Variants in PSMA6 observed in about 807,000 individuals in gnomAD.
PSMA6 encodes proteasome subunit alpha type-6.
For synonymous variants in PSMA6, 88 were observed against 97.7 expected (o/e 0.90, Z 0.59); for missense variants, 170 against 294.8 (o/e 0.58, Z 3.10).
chr14:35,293,440 A>T (rs2051526453), intron 1 of PSMA6, among the ~76,000 whole-genome samples: 1 of 152,198 alleles, frequency 6.6e-6, no homozygotes, highest in Non-Finnish European at 1.5e-5. Flanking sequence ...GGAGGGCTTG[A>T]TTTACATCTG....
At chr14:35,278,820 T>C in intron 1 of PSMA6, 1 of 1,386,492 alleles carries the variant, frequency 7.2e-7, no homozygotes, top group Non-Finnish European at 9.8e-7. Flanking sequence ...ATGACCTTGC[T>C]CTAGAATCCC....
intron 1 of PSMA6, among the ~76,000 whole-genome samples, chr14:35,298,319 A>G (rs146442475): frequency 1.3e-5 from 2 of 152,180 alleles, no homozygotes; most frequent in African/African-American, 4.8e-5. Context: ...GTGAAACCCT[A>G]TCTGTACTAA....
chr14:35,313,016 A>G lies in PSMA6; in HGVS notation c.545A>G (p.Lys182Arg). The change falls in exon 5 of 7, where the codon AAA becomes AGA. Residue 182 changes from lysine (K) to arginine (R), a missense_variant. By Grantham distance (26) the Lys-to-Arg change is conservative. Transcript: ENST00000261479. ...QTESTSFLEK[K>R]VKKKFDWTFE... ...GAGTCAACCAGCTTCCTTGAAAAAA[A>G]AGTGAAGAAGAAATTTGATTGGACA... The G allele has an allele frequency of 6.3e-7, 1 of 1,580,538 alleles. No individual in the cohort carries two copies. The highest frequency in any genetic ancestry group is 2.3e-5 in the East Asian group (1 of 43,638).
In PSMA6 at chr14:35,317,274, G is replaced by A. The variant is rs778817162; in HGVS notation, c.709G>A (p.Ala237Thr). The A allele has an allele frequency of 1.2e-6, 2 of 1,612,618 alleles. No homozygotes were observed. Among genetic ancestry groups the A allele is most frequent in the Non-Finnish European group, 1.7e-6 (2 of 1,179,306 alleles). Residue 237 changes from alanine (A) to threonine (T), a missense_variant, in exon 7 of 7, where the codon GCT becomes ACT. Coordinates refer to ENST00000261479, the MANE Select transcript of PSMA6 (RefSeq NM_002791.3). ...GATTCTTACAGAAGCAGAGATTGAT[G>A]CTCACCTTGTTGCTCTAGCAGAGAG... ...FRILTEAEIDAHLVALAERD is the reference protein window; with the variant it reads ...FRILTEAEIDTHLVALAERD
At position 35,302,513 on chromosome 14, in the gene PSMA6, C is replaced by G. The variant is rs2051734583; in HGVS notation, c.77-5481C>G. On this transcript the variant is annotated intron_variant, in intron 1 of 6. Coordinates refer to ENST00000261479, the MANE Select transcript of PSMA6 (RefSeq NM_002791.3). ...CCATAATGAATCTATATGTGATTTTCTGTTTTCATTTTGCTTGGAGTTTTC... is the reference window on the plus strand; with the variant it reads ...CCATAATGAATCTATATGTGATTTTGTGTTTTCATTTTGCTTGGAGTTTTC... Among the ~76,000 whole-genome samples the G allele has an allele frequency of 2.0e-5, 3 of 151,996 alleles. No individual in the cohort carries two copies. In the South Asian group the frequency reaches 6.2e-4, roughly 31 times the overall value.
chr14:35,303,973 ATTTC>A (rs1254945851), intron 1 of PSMA6, among the ~76,000 whole-genome samples: 2 of 150,646 alleles, frequency 1.3e-5, no homozygotes, highest in African/African-American at 2.4e-5. Context: ...GCTAGAGATA[ATTTC>A]TTTCTTTTTT....
At chr14:35,304,791 C>T (rs1014940477) in intron 1 of PSMA6, among the ~76,000 whole-genome samples, 1 of 151,618 alleles carries the variant, frequency 6.6e-6, no homozygotes, top group Non-Finnish European at 1.5e-5. Flanking sequence ...TATAATTAAC[C>T]AATTAAATTG....
intron 1 of PSMA6, among the ~76,000 whole-genome samples, chr14:35,283,563 T>G (rs2051391336): frequency 6.6e-6 from 1 of 151,014 alleles, no homozygotes; most frequent in Non-Finnish European, 1.5e-5. Context: ...TTTTTTTTTT[T>G]TTTTTTTTAG....
At chr14:35,285,339 C>CAAAAAAAAAAAAA (rs758651038) in intron 1 of PSMA6, among the ~76,000 whole-genome samples, 57 of 54,536 alleles carry the variant, frequency 1.0e-3, no homozygotes, top group African/African-American at 2.5e-3. Context: ...AACTCTATCT[C>CAAAAAAAAAAAAA]AAAAAAAACA....
At chr14:35,285,204 A>G (rs951072348) in intron 1 of PSMA6, among the ~76,000 whole-genome samples, 34 of 151,984 alleles carry the variant, frequency 2.2e-4, no homozygotes, top group African/African-American at 8.0e-4. Flanking sequence ...AAATCAGCCA[A>G]GCATGGTGGT....
At chr14:35,303,224 A>T (rs1350211632) in intron 1 of PSMA6, among the ~76,000 whole-genome samples, 2 of 152,224 alleles carry the variant, frequency 1.3e-5, no homozygotes, top group Non-Finnish European at 2.9e-5. Flanking sequence ...CAAGCTACAA[A>T]GTCTGTCTCT....
intron 1 of PSMA6, among the ~76,000 whole-genome samples, chr14:35,303,059 T>C (rs1339238347): frequency 6.6e-6 from 1 of 152,240 alleles, no homozygotes. Context: ...TTTGGTTTTT[T>C]AGTTTGACTT....
intron 4 of PSMA6, among the ~76,000 whole-genome samples, chr14:35,311,886 C>G (rs2051951011): frequency 6.6e-6 from 1 of 152,050 alleles, no homozygotes; most frequent in Non-Finnish European, 1.5e-5. Flanking sequence ...CCAGCATTCC[C>G]AAAGTGTGTC....
At chr14:35,304,438 T>C (rs2051781503) in intron 1 of PSMA6, among the ~76,000 whole-genome samples, 1 of 152,154 alleles carries the variant, frequency 6.6e-6, no homozygotes. Context: ...TTAGAAGTTA[T>C]TTGTAGTGTA....
intron 1 of PSMA6, among the ~76,000 whole-genome samples, chr14:35,283,556 T>C (rs914805289): frequency 1.3e-5 from 2 of 149,954 alleles, no homozygotes; most frequent in African/African-American, 4.9e-5. Flanking sequence ...AGAACTCTTT[T>C]TTTTTTTTTT....
chr14:35,309,720 C>T (rs764334318), intron 3 of PSMA6, among the ~76,000 whole-genome samples: 5 of 152,136 alleles, frequency 3.3e-5, no homozygotes, highest in East Asian at 1.9e-4. Flanking sequence ...TGCTTGAACT[C>T]GGGAGGCAGA....
At chr14:35,283,417 G>A (rs2051389174) in intron 1 of PSMA6, among the ~76,000 whole-genome samples, 1 of 151,770 alleles carries the variant, frequency 6.6e-6, no homozygotes, top group African/African-American at 2.4e-5. Flanking sequence ...GAAAATGTCT[G>A]GAAGGAATAA....
chr14:35,317,287 C>T lies in PSMA6; in HGVS notation c.722C>T (p.Ala241Val), dbSNP rs1236899326. The T allele has an allele frequency of 6.2e-7, 1 of 1,611,288 alleles. No individual in the cohort carries two copies. Among genetic ancestry groups the T allele is most frequent in the Admixed American group, 1.7e-5 (1 of 59,972 alleles). ...TEAEIDAHLV[A>V]LAERD ...GCAGAGATTGATGCTCACCTTGTTG[C>T]TCTAGCAGAGAGAGACTAAACATTG... The change falls in exon 7 of 7, where the codon GCT becomes GTT. Residue 241 changes from alanine (A) to valine (V), a missense_variant. Ala to Val is a moderately conservative substitution (Grantham distance 64, BLOSUM62 0). Coordinates refer to ENST00000261479, the MANE Select transcript of PSMA6 (RefSeq NM_002791.3).
intron 1 of PSMA6, among the ~76,000 whole-genome samples, chr14:35,298,428 T>G (rs1400398469): frequency 6.6e-6 from 1 of 151,768 alleles, no homozygotes; most frequent in Admixed American, 6.6e-5. Flanking sequence ...AGGTGGAGGT[T>G]GTAGTGAGCT....
Sources: gnomAD v4.1 joint callset for allele counts (sites outside exome capture counted in the v4.1 genomes callset) on GRCh38, gnomAD v4.1.1 for gene constraint, MANE v1.5 for transcripts, NCBI Gene and HGNC (gene_info 2026-07-23, HGNC 2026-07-21) for gene names.